SHISA6: variants seen among roughly 807,000 people sequenced by gnomAD.
The protein encoded by SHISA6 is protein shisa-6.
SHISA6 carries 22 observed loss-of-function variants against 47.9 expected under a neutral mutation model. The ratio of observed to expected loss-of-function variants is 0.46; its 90% confidence interval spans 0.33 to 0.66. The LOEUF (loss-of-function observed/expected upper bound fraction) is 0.66, where lower values mean the gene tolerates loss of function less well. SHISA6 is among the 30% of genes least tolerant of loss of function. SHISA6 has a pLI of 0.02. For synonymous variants in SHISA6, 388 were observed against 337.8 expected (o/e 1.15, Z -1.63); for missense variants, 680 against 764.6 (o/e 0.89, Z 1.30).
chr17:11,273,032 C>T (rs1485033480), intron 2 of SHISA6, among the ~76,000 whole-genome samples: 2 of 152,196 alleles, frequency 1.3e-5, no homozygotes, highest in East Asian at 3.9e-4. Flanking sequence ...GAACGCTGTT[C>T]TTCAAATCAT....
At chr17:11,513,345 G>A (rs891794258) in intron 3 of SHISA6, among the ~76,000 whole-genome samples, 1 of 151,940 alleles carries the variant, frequency 6.6e-6, no homozygotes, top group African/African-American at 2.4e-5. Context: ...GCATTTCTTT[G>A]ATCACTGAGG....
At chr17:11,553,350 C>A (rs1024649934) in intron 4 of SHISA6, among the ~76,000 whole-genome samples, 1 of 152,138 alleles carries the variant, frequency 6.6e-6, no homozygotes, top group East Asian at 1.9e-4. Context: ...AGAAAAGGCA[C>A]GCAAGGAGAG....
intron 5 of SHISA6, among the ~76,000 whole-genome samples, chr17:11,556,199 C>T (rs1400415079): frequency 6.6e-6 from 1 of 152,180 alleles, no homozygotes. Context: ...CCGCACGCAA[C>T]TGCCTTCTTC....
intron 3 of SHISA6, among the ~76,000 whole-genome samples, chr17:11,470,621 G>C (rs943797135): frequency 2.7e-5 from 4 of 147,458 alleles, no homozygotes; most frequent in African/African-American, 4.9e-5. Flanking sequence ...CCAACAGCAG[G>C]TGAAACAAGA....
intron 3 of SHISA6, among the ~76,000 whole-genome samples, chr17:11,464,411 T>C (rs1237176369): frequency 6.6e-6 from 1 of 152,150 alleles, no homozygotes; most frequent in Non-Finnish European, 1.5e-5. Context: ...GGCTCTACTT[T>C]CCATCTTGCC....
intron 2 of SHISA6, among the ~76,000 whole-genome samples, chr17:11,302,241 A>G (rs1909953618): frequency 6.6e-6 from 1 of 152,164 alleles, no homozygotes; most frequent in Non-Finnish European, 1.5e-5. Flanking sequence ...TTTCTGAAAG[A>G]ATTCAAATTT....
intron 2 of SHISA6, among the ~76,000 whole-genome samples, chr17:11,272,325 TC>T (rs1408080263): frequency 6.6e-6 from 1 of 152,120 alleles, no homozygotes; most frequent in Non-Finnish European, 1.5e-5. Context: ...AGCCTGCTCT[TC>T]CTTATCTCCC....
At chr17:11,371,845 T>G (rs1018741471) in intron 2 of SHISA6, among the ~76,000 whole-genome samples, 1 of 151,930 alleles carries the variant, frequency 6.6e-6, no homozygotes, top group African/African-American at 2.4e-5. Context: ...AAGAAAATAA[T>G]AAAAATCAAA....
intron 2 of SHISA6, among the ~76,000 whole-genome samples, chr17:11,277,988 A>G (rs1425023610): frequency 6.6e-6 from 1 of 152,196 alleles, no homozygotes; most frequent in Non-Finnish European, 1.5e-5. Context: ...GAGTTCTTTG[A>G]CTAGAGAAGA....
At chr17:11,366,759 C>CT (rs1282141698) in intron 2 of SHISA6, among the ~76,000 whole-genome samples, 2 of 152,050 alleles carry the variant, frequency 1.3e-5, no homozygotes, top group African/African-American at 2.4e-5. Context: ...AATAAAGGCT[C>CT]TAGAACAGAG....
At chr17:11,455,795 G>T (rs1388038449) in intron 3 of SHISA6, among the ~76,000 whole-genome samples, 3 of 152,154 alleles carry the variant, frequency 2.0e-5, no homozygotes, top group Non-Finnish European at 4.4e-5. Flanking sequence ...TCTGCAGTGG[G>T]TGCACTACCT....
At position 11,468,305 on chromosome 17, in the gene SHISA6, G is replaced by A. The variant is rs76469380; in HGVS notation, c.896-83591G>A. 4.3e-3 allele frequency among the ~76,000 whole-genome samples: 653 copies of A among 152,052 alleles called. 9 individuals carry two copies. The highest frequency in any genetic ancestry group is 0.014 in the African/African-American group (598 of 41,486). ...GAGTATGACTGTAGCCATGCTCTAA[G>A]ATGCTTTCTGGGTATCTTAGCTGAG... is the stretch of plus-strand genomic sequence containing the variant. On this transcript the variant is annotated intron_variant, in intron 3 of 5. Transcript: ENST00000441885.
intron 2 of SHISA6, among the ~76,000 whole-genome samples, chr17:11,341,709 G>A (rs1378327161): frequency 6.6e-6 from 1 of 152,096 alleles, no homozygotes; most frequent in African/African-American, 2.4e-5. Context: ...AGCTGGAGCT[G>A]CAATTTTAAT....
At chr17:11,424,348 T>A (rs1404948370) in intron 3 of SHISA6, among the ~76,000 whole-genome samples, 1 of 152,174 alleles carries the variant, frequency 6.6e-6, no homozygotes, top group Non-Finnish European at 1.5e-5. Flanking sequence ...CAACATAGGA[T>A]TTTGTGTATG....
At chr17:11,556,318 A>G (rs1010371018) in intron 5 of SHISA6, among the ~76,000 whole-genome samples, 2 of 151,934 alleles carry the variant, frequency 1.3e-5, no homozygotes, top group African/African-American at 2.4e-5. Flanking sequence ...TCCTTCTCCA[A>G]CCCAGCCAAC....
At chr17:11,391,408 A>T (rs1463140428) in intron 3 of SHISA6, among the ~76,000 whole-genome samples, 1 of 152,198 alleles carries the variant, frequency 6.6e-6, no homozygotes, top group Non-Finnish European at 1.5e-5. Context: ...TAAACATTAC[A>T]ATTAATGACC....
intron 3 of SHISA6, among the ~76,000 whole-genome samples, chr17:11,385,124 G>T (rs928807735): frequency 3.3e-5 from 5 of 152,134 alleles, no homozygotes; most frequent in Non-Finnish European, 7.3e-5. Flanking sequence ...ATTAAGGCAG[G>T]GAATGGAGTG....
chr17:11,409,986 T>C (rs1280577288), intron 3 of SHISA6, among the ~76,000 whole-genome samples: 1 of 152,090 alleles, frequency 6.6e-6, no homozygotes, highest in Admixed American at 6.5e-5. Flanking sequence ...GAAAAGAAAA[T>C]GGTAAGAGTC....
chr17:11,540,729 T>C (rs999432596), intron 3 of SHISA6, among the ~76,000 whole-genome samples: 6 of 152,216 alleles, frequency 3.9e-5, no homozygotes, highest in African/African-American at 9.6e-5. Flanking sequence ...TCAGTGCCTT[T>C]AACATGCATG....
Sources: gnomAD v4.1 joint callset for allele counts (sites outside exome capture counted in the v4.1 genomes callset) on GRCh38, gnomAD v4.1.1 for gene constraint, MANE v1.5 for transcripts, NCBI Gene and HGNC (gene_info 2026-07-23, HGNC 2026-07-21) for gene names.